The following LRRTM4 variants were observed in gnomAD, a reference collection of about 807,000 sequenced individuals.
The protein encoded by LRRTM4 is leucine-rich repeat transmembrane neuronal protein 4.
Under a neutral mutation model 47.6 loss-of-function variants are expected in LRRTM4, and 25 were observed. That is an observed-to-expected ratio of 0.53 (90% confidence interval 0.38 to 0.73). LRRTM4 has a LOEUF of 0.73. Among genes scored for constraint, LRRTM4 ranks in the 30% least tolerant of loss-of-function variants. LRRTM4 has a pLI of 0.00. For missense variants in LRRTM4, 638 were observed against 713.4 expected, an observed-to-expected ratio of 0.89 and a Z score of 1.20; for synonymous variants, 311 against 269.5, an observed-to-expected ratio of 1.15 and a Z score of -1.51.
At chr2:77,418,073 T>C (rs1674717531) in intron 3 of LRRTM4, among the ~76,000 whole-genome samples, 1 of 152,116 alleles carries the variant, frequency 6.6e-6, no homozygotes, top group Non-Finnish European at 1.5e-5. Context: ...AAATGCAAAC[T>C]TTCATTAGGG....
At chr2:77,265,051 G>A (rs540629243) in intron 3 of LRRTM4, among the ~76,000 whole-genome samples, 81 of 152,162 alleles carry the variant, frequency 5.3e-4, no homozygotes, top group African/African-American at 1.6e-3. Context: ...AGTTGAGAAA[G>A]CCTTAAACCA....
chr2:76,828,015 T>C (rs1258955976), intron 3 of LRRTM4, among the ~76,000 whole-genome samples: 4 of 151,976 alleles, frequency 2.6e-5, no homozygotes, highest in African/African-American at 7.2e-5. Flanking sequence ...GAATAAAAGA[T>C]GTATTGCCTA....
intron 3 of LRRTM4, among the ~76,000 whole-genome samples, chr2:76,800,758 A>G (rs1399812419): frequency 4.2e-5 from 3 of 71,426 alleles, no homozygotes; most frequent in African/African-American, 1.7e-4. Flanking sequence ...AATTTACAAG[A>G]AAAAAACAAA....
chr2:77,331,270 A>G (rs925319981), intron 3 of LRRTM4, among the ~76,000 whole-genome samples: 1 of 152,196 alleles, frequency 6.6e-6, no homozygotes, highest in Admixed American at 6.5e-5. Flanking sequence ...TAGCAATCCC[A>G]GTAGGCAAAC....
chr2:77,505,649 T>C (rs966895463), intron 3 of LRRTM4, among the ~76,000 whole-genome samples: 4 of 151,718 alleles, frequency 2.6e-5, no homozygotes, highest in Middle Eastern at 3.4e-3. Context: ...TTTGCAAAAT[T>C]ATTTTTGAAC....
intron 3 of LRRTM4, among the ~76,000 whole-genome samples, chr2:76,769,154 C>A (rs1673580276): frequency 1.3e-5 from 2 of 152,204 alleles, no homozygotes; most frequent in South Asian, 4.1e-4. Flanking sequence ...AGGTGAAGGT[C>A]ATTAACATCT....
At chr2:77,074,985 A>G (rs1050700085) in intron 3 of LRRTM4, among the ~76,000 whole-genome samples, 3 of 152,174 alleles carry the variant, frequency 2.0e-5, no homozygotes, top group African/African-American at 7.2e-5. Context: ...ATTTACCACC[A>G]TATCTAGACT....
chr2:77,002,342 G>A (rs929469100), intron 3 of LRRTM4, among the ~76,000 whole-genome samples: 3 of 152,102 alleles, frequency 2.0e-5, no homozygotes, highest in South Asian at 2.1e-4. Flanking sequence ...ATGTGTTAAT[G>A]AGAGTCATGT....
chr2:77,098,782 A>G (rs1031809752), intron 3 of LRRTM4, among the ~76,000 whole-genome samples: 1 of 152,002 alleles, frequency 6.6e-6, no homozygotes, highest in South Asian at 2.1e-4. Context: ...CAAGACTACA[A>G]ATCAATAAGA....
intron 3 of LRRTM4, among the ~76,000 whole-genome samples, chr2:76,933,965 C>T (rs1345803035): frequency 6.6e-6 from 1 of 152,044 alleles, no homozygotes; most frequent in African/African-American, 2.4e-5. Flanking sequence ...ATAGTCTGTC[C>T]TATTCAGATA....
At chr2:77,263,222 G>A (rs207461884) in intron 3 of LRRTM4, among the ~76,000 whole-genome samples, 1 of 152,072 alleles carries the variant, frequency 6.6e-6, no homozygotes, top group African/African-American at 2.4e-5. Flanking sequence ...AGAGGGCAGG[G>A]AATTCCACTC....
chr2:77,416,476 G>A (rs901387350), intron 3 of LRRTM4, among the ~76,000 whole-genome samples: 2 of 152,032 alleles, frequency 1.3e-5, no homozygotes, highest in Non-Finnish European at 2.9e-5. Context: ...CATGCTTTGA[G>A]TTTGTTCATG....
chr2:77,283,152 T>A (rs973293569), intron 3 of LRRTM4, among the ~76,000 whole-genome samples: 24 of 151,824 alleles, frequency 1.6e-4, no homozygotes, highest in African/African-American at 5.8e-4. Context: ...AATAACCCCA[T>A]TAAAAATGGA....
rs1028907434 is a variant in LRRTM4, at chr2:76,781,678, G to A, written c.1552-32762C>T. ...CTGGCACTCCCAATGAGATTAACCC[G>A]GTACCTCAGATGGAAATGCAGAAAT... is the stretch of plus-strand genomic sequence containing the variant. On this transcript the variant is annotated intron_variant, in intron 3 of 3. Transcript: ENST00000409884. 3.9e-5 allele frequency among the ~76,000 whole-genome samples: 6 copies of A among 152,294 alleles called. No homozygotes were observed. In the East Asian group the frequency reaches 1.2e-3, roughly 30 times the overall value.
intron 3 of LRRTM4, among the ~76,000 whole-genome samples, chr2:77,334,819 G>A (rs1013924811): frequency 2.6e-5 from 4 of 152,182 alleles, no homozygotes; most frequent in African/African-American, 9.7e-5. Context: ...TAGGATACTA[G>A]TCTTTCACTT....
In LRRTM4 at chr2:76,748,681, A is replaced by T; in HGVS notation, c.*14T>A. The T allele has an allele frequency of 1.2e-5, 12 of 1,020,588 alleles. No homozygotes were observed. The highest frequency in any genetic ancestry group is 1.8e-5 in the Non-Finnish European group (12 of 674,308). The allele number at this position is 1,020,588 out of a possible 1,614,324, so 63.2% of individuals were successfully genotyped here. On this transcript the variant is annotated 3_prime_UTR_variant, in exon 4 of 4. Transcript: ENST00000409884. ...CCCCCCATGGAGCTCCCCAGTGAGG[A>T]GTTGGCTTCAGCGTTAGTTTGCAAT...
intron 3 of LRRTM4, among the ~76,000 whole-genome samples, chr2:77,470,542 A>G (rs1677151242): frequency 6.6e-6 from 1 of 152,178 alleles, no homozygotes; most frequent in African/African-American, 2.4e-5. Flanking sequence ...TTGAGTAAGC[A>G]TTAAGTCCAA....
chr2:76,923,458 G>T (rs997151784), intron 3 of LRRTM4, among the ~76,000 whole-genome samples: 5 of 151,840 alleles, frequency 3.3e-5, no homozygotes, highest in African/African-American at 1.2e-4. Flanking sequence ...GCAAAAAAAA[G>T]ACAGGGTGTT....
intron 3 of LRRTM4, among the ~76,000 whole-genome samples, chr2:77,266,313 T>G (rs752447370): frequency 1.3e-5 from 2 of 152,116 alleles, no homozygotes; most frequent in Admixed American, 6.6e-5. Flanking sequence ...AATTTCTGCA[T>G]GTAAAACTCA....
Sources: allele counts gnomAD v4.1 joint callset (sites outside exome capture counted in the v4.1 genomes callset), GRCh38; gene constraint gnomAD v4.1.1; transcripts MANE v1.5; gene names NCBI Gene and HGNC (gene_info 2026-07-23, HGNC 2026-07-21).